KCNK12: variants seen among roughly 807,000 people sequenced by gnomAD.
KCNK12 encodes the protein potassium channel subfamily K member 12.
Under a neutral mutation model 25.3 loss-of-function variants are expected in KCNK12, and 6 were observed. That is an observed-to-expected ratio of 0.24 (90% CI 0.13 to 0.47). KCNK12 has a LOEUF of 0.47. KCNK12 is among the 20% of genes least tolerant of loss of function. The probability of loss-of-function intolerance (pLI) is 0.99; values close to 1 mark genes in which losing one functional copy is unlikely to be tolerated. For synonymous variants in KCNK12, 331 were observed against 311.1 expected (o/e 1.06, Z -0.67); for missense variants, 444 against 661.7 (o/e 0.67, Z 3.61).
At position 47,565,542 on chromosome 2, in the gene KCNK12, G is replaced by A. The variant is rs939142189; in HGVS notation, c.391+4399C>T. ...GATTTTAGCTTTATAGCTAAAAAAC[G>A]CTGCCAGAAAACCTAATAAAAGGAA... On this transcript the variant is annotated intron_variant, in intron 1 of 1. Coordinates refer to ENST00000327876, the MANE Select transcript of KCNK12 (RefSeq NM_022055.2). The surrounding 1 kb of genome is among the most constrained non-coding windows in gnomAD (Gnocchi z 5.0). The A allele has an allele frequency of 6.6e-6, 1 of 152,112 alleles. No homozygotes were observed. The highest frequency in any genetic ancestry group is 2.4e-5 in the African/African-American group (1 of 41,434). The allele number at this position is 152,112 out of a possible 1,614,324, so 9.4% of individuals were successfully genotyped here. A position where few individuals can be genotyped will look rare whatever the true frequency, so the allele number is the denominator to read the frequency against.
chr2:47,514,636 G>A lies in KCNK12; in HGVS notation c.*6271C>T, dbSNP rs545502052. ...TTTTTTTTCTTTCTTTTTGAGACAG[G>A]GTCTTACTCTGTCACCAAGGCTGGA... On this transcript the variant is annotated 3_prime_UTR_variant, in exon 2 of 2. Coordinates refer to ENST00000327876, the MANE Select transcript of KCNK12 (RefSeq NM_022055.2). This position sits in a 1 kb window ranked among gnomAD's most constrained non-coding sequence, Gnocchi z 5.0. Among the ~76,000 whole-genome samples the A allele has an allele frequency of 2.0e-5, 3 of 150,626 alleles. No individual in the cohort carries two copies. The highest frequency in any genetic ancestry group is 2.0e-4 in the Admixed American group (3 of 15,112).
rs1669773228 is a variant in KCNK12 at position 47,565,540 on chromosome 2, A to C, written c.391+4401T>G. The C allele has an allele frequency of 6.6e-6, 1 of 152,266 alleles. No individual in the cohort carries two copies. The highest frequency in any genetic ancestry group is 2.1e-4 in the South Asian group (1 of 4,832). The allele number at this position is 152,266 out of a possible 1,614,324, so 9.4% of individuals were successfully genotyped here. ...ATGATTTTAGCTTTATAGCTAAAAA[A>C]CGCTGCCAGAAAACCTAATAAAAGG... is the stretch of plus-strand genomic sequence containing the variant. On this transcript the variant is annotated intron_variant, in intron 1 of 1. Coordinates refer to ENST00000327876, the MANE Select transcript of KCNK12 (RefSeq NM_022055.2). This position sits in a 1 kb window ranked among gnomAD's most constrained non-coding sequence, Gnocchi z 5.0.
chr2:47,509,751 C>T lies in KCNK12; in HGVS notation c.*11156G>A, dbSNP rs866983510. On this transcript the variant is annotated 3_prime_UTR_variant, in exon 2 of 2. Coordinates refer to ENST00000327876, the MANE Select transcript of KCNK12 (RefSeq NM_022055.2). ...GCATTAACTTGACCCTGACTCATGC[C>T]GCCAGGCCTAATTTATAAACCAAGA... Among the ~76,000 whole-genome samples, 4 of 152,288 alleles carry T rather than the reference C, an allele frequency of 2.6e-5. No homozygotes were observed. Among genetic ancestry groups the T allele is most frequent in the Middle Eastern group, 3.4e-3 (1 of 294 alleles).
chr2:47,570,125 C>T lies in KCNK12; in HGVS notation c.207G>A (p.Arg69=). The change falls in exon 1 of 2, where the codon CGG becomes CGA. Residue 69 remains arginine (R), a synonymous_variant. Transcript: ENST00000327876. ...TGCGCAGCGTGGCGCCCCAGCGCGCCCGCGCCTCCGCCTCGCCGGGGCTCT... is the reference window on the plus strand; with the variant it reads ...TGCGCAGCGTGGCGCCCCAGCGCGCTCGCGCCTCCGCCTCGCCGGGGCTCT... ...ALESPGEAEA[R]ARWGATLRNF... is the part of the protein sequence containing the mutation. The T allele has an allele frequency of 1.4e-6, 2 of 1,432,092 alleles. No individual in the cohort carries two copies. The highest frequency in any genetic ancestry group is 1.8e-6 in the Non-Finnish European group (2 of 1,093,734). The allele number at this position is 1,432,092 out of a possible 1,614,324, so 88.7% of individuals were successfully genotyped here.
At chr2:47,543,870 C>G (rs1669254436) in intron 1 of KCNK12, 1 of 152,228 alleles carries the variant, frequency 6.6e-6, no homozygotes, top group East Asian at 1.9e-4. Context: ...TGAGACATCG[C>G]CCACCCAGCT....
At chr2:47,532,239 A>C (rs920371736) in intron 1 of KCNK12, among the ~76,000 whole-genome samples, 3 of 150,508 alleles carry the variant, frequency 2.0e-5, no homozygotes, top group Non-Finnish European at 4.4e-5. Context: ...AAAAAAAAAA[A>C]CCCTGGGGAG....
Position 47,509,627 on chromosome 2 carries a change from C to G in KCNK12, c.*11280G>C, listed in dbSNP as rs1227833182. Among the ~76,000 whole-genome samples, 2 of 152,228 alleles carry G rather than the reference C, an allele frequency of 1.3e-5. No homozygotes were observed. Among genetic ancestry groups the G allele is most frequent in the Non-Finnish European group, 2.9e-5 (2 of 68,052 alleles). On this transcript the variant is annotated 3_prime_UTR_variant, in exon 2 of 2. Coordinates refer to ENST00000327876, the MANE Select transcript of KCNK12 (RefSeq NM_022055.2). ...GTGCTGGAGTCACGATTCTGTCACC[C>G]AGTCAGGTCATCAGTGTCAGAGAGC...
At chr2:47,563,109 C>T (rs918885307) in intron 1 of KCNK12, 8 of 233,226 alleles carry the variant, frequency 3.4e-5, no homozygotes, top group Non-Finnish European at 8.5e-6. Flanking sequence ...CTCCAGGTGT[C>T]AGGGATGGGT....
chr2:47,536,527 T>C (rs1400820748), intron 1 of KCNK12, among the ~76,000 whole-genome samples: 1 of 152,148 alleles, frequency 6.6e-6, no homozygotes, highest in African/African-American at 2.4e-5. Flanking sequence ...TCAACATGTT[T>C]TTGAGACCTG....
Position 47,521,591 on chromosome 2 carries a change from G to T in KCNK12, c.609C>A (p.Ala203=). The T allele has an allele frequency of 6.4e-7, 1 of 1,561,228 alleles. No individual in the cohort carries two copies. The highest frequency in any genetic ancestry group is 8.7e-7 in the Non-Finnish European group (1 of 1,152,654). The change falls in exon 2 of 2, where the codon GCC becomes GCA. Residue 203 remains alanine, a synonymous_variant. Coordinates refer to ENST00000327876, the MANE Select transcript of KCNK12 (RefSeq NM_022055.2). Reference sequence around the variant, plus strand: ...AGGGCTTCCAGCCCGCCAGGCTGTCGGCCTCCGAGAGCGCGGAGCCGCGGC... The same window carrying T: ...AGGGCTTCCAGCCCGCCAGGCTGTCTGCCTCCGAGAGCGCGGAGCCGCGGC... ...TFRRGSALSE[A]DSLAGWKPSV...
chr2:47,548,948 G>T lies in KCNK12; in HGVS notation c.391+20993C>A, dbSNP rs1273312515. Among the ~76,000 whole-genome samples, 2 of 152,150 alleles carry T rather than the reference G, an allele frequency of 1.3e-5. No individual in the cohort carries two copies. Among genetic ancestry groups the T allele is most frequent in the African/African-American group, 4.8e-5 (2 of 41,434 alleles). ...ACTACTGTGGAGCACTGGAGAGGAA[G>T]GAACCATCAAGAAAAAGGACTCCAG... On this transcript the variant is annotated intron_variant, in intron 1 of 1. Transcript: ENST00000327876. The surrounding 1 kb of genome is among the most constrained non-coding windows in gnomAD (Gnocchi z 4.4).
chr2:47,563,373 T>G (rs1669723353), intron 1 of KCNK12: 1 of 233,440 alleles, frequency 4.3e-6, no homozygotes, highest in African/African-American at 2.2e-5. Flanking sequence ...GTGTGCTGTT[T>G]GTGTGAGAAT....
rs1438808577 is a variant in KCNK12 at position 47,566,994 on chromosome 2, G to A, written c.391+2947C>T. ...GATCCAGCTGCCCATGTTGGAATAT[G>A]CCTTAATCTCTGCCATGCAGAGTAA... On this transcript the variant is annotated intron_variant, in intron 1 of 1. Coordinates refer to ENST00000327876, the MANE Select transcript of KCNK12 (RefSeq NM_022055.2). The surrounding 1 kb of genome is among the most constrained non-coding windows in gnomAD (Gnocchi z 4.1). 6.6e-6 allele frequency: 1 copy of A among 152,198 alleles called. No homozygotes were observed. Among genetic ancestry groups the A allele is most frequent in the Non-Finnish European group, 1.5e-5 (1 of 68,040 alleles). The allele number at this position is 152,198 out of a possible 1,614,324, so 9.4% of individuals were successfully genotyped here.
At position 47,517,511 on chromosome 2, in the gene KCNK12, A is replaced by C. The variant is rs1668553953; in HGVS notation, c.*3396T>G. The C allele has an allele frequency of 6.6e-6, 1 of 152,196 alleles. No homozygotes were observed. The highest frequency in any genetic ancestry group is 1.5e-5 in the Non-Finnish European group (1 of 68,060). The allele number at this position is 152,196 out of a possible 1,614,324, so 9.4% of individuals were successfully genotyped here. On this transcript the variant is annotated 3_prime_UTR_variant, in exon 2 of 2. Transcript: ENST00000327876. The surrounding 1 kb of genome is among the most constrained non-coding windows in gnomAD (Gnocchi z 4.1). ...TTAAAAATGGGAAATCTTTCTTCTT[A>C]AAGTGGCCCAGACTGAGACTTTTCC...
rs149774078 is a variant in KCNK12, at chr2:47,549,600, T to C, written c.391+20341A>G. Among the ~76,000 whole-genome samples the C allele has an allele frequency of 1.7e-3, 257 of 151,776 alleles. 2 individuals are homozygous for C. Among genetic ancestry groups the C allele is most frequent in the African/African-American group, 6.0e-3 (250 of 41,382 alleles). Reference sequence around the variant, plus strand: ...AGGAGAAACATAATGATGAGAAAAATGGGAAAAATTTTTTTAAAACCAAGT... The same window carrying C: ...AGGAGAAACATAATGATGAGAAAAACGGGAAAAATTTTTTTAAAACCAAGT... On this transcript the variant is annotated intron_variant, in intron 1 of 1. Coordinates refer to ENST00000327876, the MANE Select transcript of KCNK12 (RefSeq NM_022055.2).
chr2:47,559,374 T>C (rs956345520), intron 1 of KCNK12, among the ~76,000 whole-genome samples: 2 of 152,164 alleles, frequency 1.3e-5, no homozygotes, highest in Non-Finnish European at 2.9e-5. Context: ...TCTGGAAACG[T>C]GGTCTGGGCC....
intron 1 of KCNK12, among the ~76,000 whole-genome samples, chr2:47,554,842 G>C (rs955335384): frequency 1.3e-5 from 2 of 152,212 alleles, no homozygotes; most frequent in African/African-American, 4.8e-5. Flanking sequence ...GGAGTAGACT[G>C]GTCGTGATGG....
intron 1 of KCNK12, among the ~76,000 whole-genome samples, chr2:47,524,521 T>A (rs539083749): frequency 9.2e-5 from 14 of 152,290 alleles, no homozygotes; most frequent in African/African-American, 3.1e-4. Flanking sequence ...CAGCCTTTTT[T>A]AGGGATGCAT....
At chr2:47,563,592 A>G in intron 1 of KCNK12, 1 of 232,968 alleles carries the variant, frequency 4.3e-6, no homozygotes, top group East Asian at 6.1e-5. Context: ...CTGGTCTTGG[A>G]GATGCTCTAG....
Sources: gnomAD v4.1 joint callset for allele counts (sites outside exome capture counted in the v4.1 genomes callset) on GRCh38, gnomAD v4.1.1 for gene constraint, Gnocchi (gnomAD v3.1) non-coding constraint, MANE v1.5 for transcripts, NCBI Gene and HGNC (gene_info 2026-07-23, HGNC 2026-07-21) for gene names.